The following GABRB1 variants were observed in gnomAD, a reference collection of about 807,000 sequenced individuals.
GABRB1 encodes gamma-aminobutyric acid type A receptor subunit beta1.
In GABRB1, 17 loss-of-function variants were observed where a neutral mutation model predicts 51.6. That is an observed-to-expected ratio of 0.33 (90% confidence interval 0.23 to 0.49). GABRB1 has a LOEUF of 0.49. Ranked by LOEUF, GABRB1 falls within the 20% of genes least tolerant of loss-of-function variation. The pLI is 0.99. For missense variants in GABRB1, 410 were observed against 600.6 expected, an observed-to-expected ratio of 0.68 and a Z score of 3.32; for synonymous variants, 247 against 218.9, an observed-to-expected ratio of 1.13 and a Z score of -1.14.
chr4:47,005,880 T>A (rs1463029093), intron 1 of GABRB1, among the ~76,000 whole-genome samples: 1 of 148,722 alleles, frequency 6.7e-6, no homozygotes, highest in East Asian at 2.1e-4. Flanking sequence ...AGGATTTTAA[T>A]CTTTGTCTTA....
At chr4:47,130,335 G>C (rs1321368900) in intron 3 of GABRB1, among the ~76,000 whole-genome samples, 2 of 27,268 alleles carry the variant, frequency 7.3e-5, no homozygotes, top group African/African-American at 1.5e-4. Flanking sequence ...CTGTGTGTGT[G>C]TGTGTGTGTG....
intron 3 of GABRB1, among the ~76,000 whole-genome samples, chr4:47,060,865 T>A (rs6447527): frequency 6.6e-6 from 1 of 152,004 alleles, no homozygotes; most frequent in African/African-American, 2.4e-5. Context: ...ACATTATTCA[T>A]AATTGGTTGG....
chr4:47,328,715 A>G (rs1049137068), intron 5 of GABRB1, among the ~76,000 whole-genome samples: 10 of 152,100 alleles, frequency 6.6e-5, no homozygotes, highest in African/African-American at 2.2e-4. Flanking sequence ...GGAATGGAAC[A>G]ATGAGAACAC....
chr4:47,262,976 A>C (rs1368320607), intron 4 of GABRB1, among the ~76,000 whole-genome samples: 5 of 141,488 alleles, frequency 3.5e-5, no homozygotes, highest in Admixed American at 7.8e-5. Context: ...TCTCACTCAT[A>C]GGTGGGAATT....
intron 4 of GABRB1, among the ~76,000 whole-genome samples, chr4:47,248,796 A>G (rs1721868010): frequency 6.6e-6 from 1 of 152,088 alleles, no homozygotes; most frequent in Non-Finnish European, 1.5e-5. Flanking sequence ...ATGTACACAA[A>G]GGTGTTCATA....
chr4:47,067,616 TTTA>T (rs555142559), intron 3 of GABRB1, among the ~76,000 whole-genome samples: 2 of 151,850 alleles, frequency 1.3e-5, no homozygotes, highest in Non-Finnish European at 1.5e-5. Context: ...ATGAGTATAT[TTTA>T]TTATTATTAT....
chr4:47,137,227 CA>C (rs1209212921), intron 3 of GABRB1, among the ~76,000 whole-genome samples: 1 of 151,914 alleles, frequency 6.6e-6, no homozygotes, highest in Non-Finnish European at 1.5e-5. Context: ...AACCAAGGAT[CA>C]GAGCTGCAGT....
chr4:47,316,887 G>T (rs915121992), intron 4 of GABRB1, among the ~76,000 whole-genome samples: 7 of 151,888 alleles, frequency 4.6e-5, no homozygotes, highest in Admixed American at 2.0e-4. Context: ...AATTGGTAAT[G>T]ACAGAGGCTT....
chr4:47,217,383 C>T (rs16860065), intron 4 of GABRB1, among the ~76,000 whole-genome samples: 2,350 of 151,882 alleles, frequency 0.015, 58 homozygotes, highest in African/African-American at 0.054. Flanking sequence ...AAATAGTATT[C>T]ACAACAGAAC....
chr4:47,101,319 C>A (rs1403034828), intron 3 of GABRB1, among the ~76,000 whole-genome samples: 3 of 151,988 alleles, frequency 2.0e-5, no homozygotes, highest in Non-Finnish European at 4.4e-5. Flanking sequence ...ATGTGTCAGA[C>A]ATTAACCTCA....
chr4:47,173,262 G>T (rs1718521195), intron 4 of GABRB1, among the ~76,000 whole-genome samples: 1 of 152,104 alleles, frequency 6.6e-6, no homozygotes, highest in Non-Finnish European at 1.5e-5. Flanking sequence ...ATATTTAGAT[G>T]ATTAAACTTC....
chr4:47,361,325 G>C (rs1009598733), intron 5 of GABRB1, among the ~76,000 whole-genome samples: 6 of 152,094 alleles, frequency 3.9e-5, no homozygotes, highest in South Asian at 2.1e-4. Context: ...AAAAGGCAAA[G>C]GGTAAAACAT....
At chr4:47,313,800 C>T (rs1724790914) in intron 4 of GABRB1, among the ~76,000 whole-genome samples, 1 of 152,042 alleles carries the variant, frequency 6.6e-6, no homozygotes, top group African/African-American at 2.4e-5. Context: ...GTCTGAGTCT[C>T]AATAATTCCT....
chr4:47,156,785 C>T (rs1405032369), intron 3 of GABRB1, among the ~76,000 whole-genome samples: 1 of 151,880 alleles, frequency 6.6e-6, no homozygotes, highest in Admixed American at 6.6e-5. Context: ...GACTGACCAA[C>T]ATGGAGAAAC....
chr4:47,261,724 C>T (rs1326448774), intron 4 of GABRB1, among the ~76,000 whole-genome samples: 15 of 152,052 alleles, frequency 9.9e-5, no homozygotes, highest in East Asian at 5.8e-4. Context: ...AAAAAGAGCC[C>T]GCATCACCAA....
intron 1 of GABRB1, among the ~76,000 whole-genome samples, chr4:47,011,554 G>A (rs1724581174): frequency 6.6e-6 from 1 of 152,132 alleles, no homozygotes; most frequent in Non-Finnish European, 1.5e-5. Flanking sequence ...CTGAGGCCAA[G>A]CTGCTCCCAA....
chr4:47,116,782 A>C (rs1235705576), intron 3 of GABRB1, among the ~76,000 whole-genome samples: 1 of 152,164 alleles, frequency 6.6e-6, no homozygotes, highest in Non-Finnish European at 1.5e-5. Context: ...TGTAAAGAAA[A>C]GAGGTTTAAT....
At chr4:47,270,633 G>A (rs1408798968) in intron 4 of GABRB1, among the ~76,000 whole-genome samples, 4 of 152,190 alleles carry the variant, frequency 2.6e-5, no homozygotes, top group Admixed American at 2.6e-4. Flanking sequence ...TTGTCAGAGT[G>A]GGGAACATAA....
chr4:47,256,972 A>G (rs1722227948), intron 4 of GABRB1, among the ~76,000 whole-genome samples: 1 of 152,074 alleles, frequency 6.6e-6, no homozygotes, highest in Non-Finnish European at 1.5e-5. Flanking sequence ...AGGTTATATC[A>G]TTTACTGTTT....
Sources: allele counts gnomAD v4.1 joint callset (sites outside exome capture counted in the v4.1 genomes callset), GRCh38; gene constraint gnomAD v4.1.1; transcripts MANE v1.5; gene names NCBI Gene and HGNC (gene_info 2026-07-23, HGNC 2026-07-21).